PDGFRL: variants seen among roughly 807,000 people sequenced by gnomAD.
PDGFRL encodes the protein platelet derived growth factor receptor like, also known as platelet-derived growth factor receptor-like protein.
A neutral mutation model predicts 37.2 loss-of-function variants in PDGFRL; 46 were observed. The observed-to-expected ratio is 1.24, with a 90% CI of 0.98 to 1.58. PDGFRL has a LOEUF of 1.58. Among genes scored for constraint, PDGFRL ranks in the 40% most tolerant of loss-of-function variants. PDGFRL has a pLI of 0.00. For synonymous variants in PDGFRL, 251 were observed against 184.3 expected, an observed-to-expected ratio of 1.36 and a Z score of -2.93; for missense variants, 692 against 467.6, an observed-to-expected ratio of 1.48 and a Z score of -4.43.
chr8:17,629,358 C>G (rs909001405), intron 4 of PDGFRL, among the ~76,000 whole-genome samples: 1 of 147,728 alleles, frequency 6.8e-6, no homozygotes, highest in Non-Finnish European at 1.5e-5. Flanking sequence ...ATCGTTCACT[C>G]TGGTGCTGCC....
chr8:17,640,179 A>G (rs1163041858), intron 5 of PDGFRL, among the ~76,000 whole-genome samples: 1 of 150,608 alleles, frequency 6.6e-6, no homozygotes, highest in African/African-American at 2.4e-5. Flanking sequence ...TTTTCCCTTC[A>G]TATCCTGTAT....
intron 1 of PDGFRL, 113 bp from the exon 2 acceptor site, chr8:17,589,355 C>A (rs1803882098): frequency 1.3e-6 from 1 of 777,520 alleles, no homozygotes; most frequent in Admixed American, 2.3e-5. Context: ...CACTGCCCTC[C>A]AACCTGGGCA....
chr8:17,641,736 A>G (rs1207125056), intron 5 of PDGFRL, among the ~76,000 whole-genome samples: 1 of 152,142 alleles, frequency 6.6e-6, no homozygotes, highest in African/African-American at 2.4e-5. Flanking sequence ...TGGCCTCCAC[A>G]AGACACATTA....
chr8:17,596,512 G>T, intron 2 of PDGFRL: 1 of 361,516 alleles, frequency 2.8e-6, no homozygotes, highest in East Asian at 4.0e-5. Flanking sequence ...AGCATCTTAA[G>T]CTTAGAGGAT....
At chr8:17,612,226 T>TTTA (rs1197000954) in intron 2 of PDGFRL, among the ~76,000 whole-genome samples, 14 of 152,234 alleles carry the variant, frequency 9.2e-5, no homozygotes, top group Non-Finnish European at 2.1e-4. Flanking sequence ...AACCTCCAGG[T>TTTA]ATTTAAATAC....
intron 1 of PDGFRL, among the ~76,000 whole-genome samples, chr8:17,581,797 G>A (rs1803713695): frequency 6.6e-6 from 1 of 152,102 alleles, no homozygotes; most frequent in Non-Finnish European, 1.5e-5. Context: ...CCTGCAGAAC[G>A]ATGAGCCAAA....
intron 2 of PDGFRL, among the ~76,000 whole-genome samples, chr8:17,610,471 G>C (rs1018190079): frequency 2.2e-4 from 34 of 152,168 alleles, no homozygotes; most frequent in African/African-American, 6.5e-4. Flanking sequence ...GTATGATGCA[G>C]ATACTCCAAA....
In PDGFRL at chr8:17,590,236, C is replaced by CAAAAAAAAAAAAAAAAAAAAAAA. The variant is rs770779669; in HGVS notation, c.353+491_353+492insAAAAAAAAAAAAAAAAAAAAAAA. On this transcript the variant is annotated intron_variant, in intron 2 of 5. Coordinates refer to ENST00000251630, the MANE Select transcript of PDGFRL (RefSeq NM_001372073.1). Reference sequence around the variant, plus strand: ...GGTGACAGAGAGCGAGACTCCATCTCAAAAAAAAAAAAAAAAAAAATTGCA... The same window carrying CAAAAAAAAAAAAAAAAAAAAAAA: ...GGTGACAGAGAGCGAGACTCCATCTCAAAAAAAAAAAAAAAAAAAAAAAAAAAAAAAAAAAAAAAAAAATTGCA... 2.0e-3 allele frequency among the ~76,000 whole-genome samples: 70 copies of CAAAAAAAAAAAAAAAAAAAAAAA among 35,610 alleles called. 9 individuals are homozygous for CAAAAAAAAAAAAAAAAAAAAAAA. The highest frequency in any genetic ancestry group is 3.8e-3 in the East Asian group (1 of 260). The allele number at this position is 35,610 out of a possible 152,430, so 23.4% of individuals were successfully genotyped here.
chr8:17,633,494 C>G (rs1349597116), intron 4 of PDGFRL, among the ~76,000 whole-genome samples: 1 of 152,096 alleles, frequency 6.6e-6, no homozygotes, highest in Admixed American at 6.6e-5. Flanking sequence ...CGCAGCTGCA[C>G]TCCAGCCTGG....
chr8:17,619,574 C>G (rs1804591690), intron 2 of PDGFRL, among the ~76,000 whole-genome samples: 1 of 152,150 alleles, frequency 6.6e-6, no homozygotes, highest in Non-Finnish European at 1.5e-5. Context: ...GGGCTCAGGA[C>G]CTTATCAGCC....
At chr8:17,586,171 C>A (rs1297086788) in intron 1 of PDGFRL, among the ~76,000 whole-genome samples, 1 of 152,148 alleles carries the variant, frequency 6.6e-6, no homozygotes, top group African/African-American at 2.4e-5. Flanking sequence ...CCAGGCTGGT[C>A]TTGAACTCCT....
intron 3 of PDGFRL, among the ~76,000 whole-genome samples, chr8:17,623,886 TAC>T (rs1190079330): frequency 9.2e-6 from 1 of 109,224 alleles, no homozygotes; most frequent in African/African-American, 4.1e-5. Context: ...AAAAAAAAAA[TAC>T]GGGCTCTCTT....
At chr8:17,597,474 A>G (rs953753645) in intron 2 of PDGFRL, among the ~76,000 whole-genome samples, 9 of 152,218 alleles carry the variant, frequency 5.9e-5, no homozygotes, top group African/African-American at 1.4e-4. Context: ...AGAGCAATTA[A>G]TGAAGAAGAA....
chr8:17,588,881 G>C (rs1045894906), intron 1 of PDGFRL, among the ~76,000 whole-genome samples: 7 of 152,072 alleles, frequency 4.6e-5, no homozygotes, highest in African/African-American at 1.7e-4. Context: ...GTGAACTACA[G>C]GCAGTAATAT....
rs144079478 is a variant in PDGFRL at position 17,600,870 on chromosome 8, T to A, written c.353+11105T>A. Among the ~76,000 whole-genome samples, 24 of 151,758 alleles carry A rather than the reference T, an allele frequency of 1.6e-4. No individual in the cohort carries two copies. In the East Asian group the frequency reaches 4.5e-3, roughly 28 times the overall value. On this transcript the variant is annotated intron_variant, in intron 2 of 5. Coordinates refer to ENST00000251630, the MANE Select transcript of PDGFRL (RefSeq NM_001372073.1). The stretch of plus-strand genomic sequence containing the variant: ...AGTAGTGCACCCCTGTAGTCCCAGC[T>A]ACTTGGGAGGCTCGGATGGTAAGAT...
At chr8:17,640,982 G>T (rs1053406437) in intron 5 of PDGFRL, among the ~76,000 whole-genome samples, 8 of 152,062 alleles carry the variant, frequency 5.3e-5, no homozygotes, top group African/African-American at 1.9e-4. Flanking sequence ...GTGGTTCTCA[G>T]GCCAATGGGG....
intron 2 of PDGFRL, among the ~76,000 whole-genome samples, chr8:17,598,521 G>C (rs917703772): frequency 2.6e-5 from 4 of 152,148 alleles, no homozygotes; most frequent in Admixed American, 2.6e-4. Flanking sequence ...TCAGTTCTTA[G>C]TCATTCATTC....
intron 2 of PDGFRL, among the ~76,000 whole-genome samples, chr8:17,601,904 C>G (rs73198172): frequency 6.6e-6 from 1 of 151,996 alleles, no homozygotes; most frequent in Non-Finnish European, 1.5e-5. Flanking sequence ...TGTCTTTGCT[C>G]TTGTGACTAG....
At chr8:17,607,560 A>T (rs1380474423) in intron 2 of PDGFRL, among the ~76,000 whole-genome samples, 1 of 152,226 alleles carries the variant, frequency 6.6e-6, no homozygotes, top group Non-Finnish European at 1.5e-5. Flanking sequence ...AACCAAAGAC[A>T]CTGTAGGAAT....
Sources: gnomAD v4.1 joint callset for allele counts (sites outside exome capture counted in the v4.1 genomes callset) on GRCh38, gnomAD v4.1.1 for gene constraint, MANE v1.5 for transcripts, NCBI Gene and HGNC (gene_info 2026-07-23, HGNC 2026-07-21) for gene names.